TMEM67: variants seen among roughly 807,000 people sequenced by gnomAD.
TMEM67 encodes transmembrane protein 67.
In TMEM67, 124 loss-of-function variants were observed where a neutral mutation model predicts 136.6. That is an observed-to-expected ratio of 0.91 (90% confidence interval 0.78 to 1.05). TMEM67 has a LOEUF of 1.05. Among genes scored for constraint, TMEM67 ranks in the 50% least tolerant of loss-of-function variants. The pLI is 0.00. For synonymous variants in TMEM67, 364 were observed against 390.5 expected (o/e 0.93, Z 0.80); for missense variants, 1,107 against 1,178.4 (o/e 0.94, Z 0.89).
At position 93,758,387 on chromosome 8, in the gene TMEM67, C is replaced by G. The variant is rs34022540; in HGVS notation, c.313-96C>G. 0.1 allele frequency: 89,590 copies of G among 862,388 alleles called. 5,425 individuals carry two copies. The highest frequency in any genetic ancestry group is 0.12 in the Middle Eastern group (402 of 3,316). The allele number at this position is 862,388 out of a possible 1,614,324, so 53.4% of individuals were successfully genotyped here. A position where few individuals can be genotyped will look rare whatever the true frequency, so the allele number is the denominator to read the frequency against. On this transcript the variant is annotated intron_variant, in intron 2 of 27. Transcript: ENST00000453321. ...TATGTATGATTTATTTGAATATTCA[C>G]TGTAGTTACATACTCTTATGGCATT...
At chr8:93,815,584 C>T (rs1478599666) in intron 27 of TMEM67, 137 bp downstream of exon 27, 3 of 780,062 alleles carry the variant, frequency 3.8e-6, no homozygotes, top group Non-Finnish European at 4.1e-6. Flanking sequence ...TGACTAACCC[C>T]ACCAAAAGAA....
chr8:93,781,778 T>A, intron 10 of TMEM67, 34 bp downstream of exon 10: 1 of 1,319,708 alleles, frequency 7.6e-7, no homozygotes, highest in Non-Finnish European at 1.1e-6. Context: ...ATTAATAACA[T>A]GCATTATTTT....
intron 7 of TMEM67, among the ~76,000 whole-genome samples, chr8:93,775,204 G>A (rs1305136274): frequency 2.0e-5 from 3 of 152,042 alleles, no homozygotes; most frequent in Non-Finnish European, 4.4e-5. Context: ...TGATGGGGTT[G>A]TTTTTTTCTT....
intron 3 of TMEM67, chr8:93,762,918 G>T: frequency 2.3e-6 from 1 of 437,492 alleles, no homozygotes; most frequent in Middle Eastern, 3.3e-4. Flanking sequence ...AGATTTACCT[G>T]ATTCTTTTTG....
chr8:93,778,616 C>T (rs973779599), intron 7 of TMEM67, among the ~76,000 whole-genome samples: 13 of 152,158 alleles, frequency 8.5e-5, no homozygotes, highest in Non-Finnish European at 1.3e-4. Flanking sequence ...ACTTATGAAG[C>T]TTAGTTTGGC....
intron 11 of TMEM67, among the ~76,000 whole-genome samples, chr8:93,782,755 A>G (rs1464713816): frequency 2.0e-5 from 3 of 151,616 alleles, no homozygotes; most frequent in Non-Finnish European, 4.4e-5. Flanking sequence ...TTGTATTTTT[A>G]GTAAAGACAG....
the TMEM67 span, among the ~76,000 whole-genome samples, chr8:93,826,397 G>A: frequency 6.6e-6 from 1 of 152,024 alleles, no homozygotes; most frequent in African/African-American, 2.4e-5. Flanking sequence ...CCAAAGTGCT[G>A]GGATTAGTTA....
intron 7 of TMEM67, among the ~76,000 whole-genome samples, chr8:93,779,146 C>T (rs537388058): frequency 9.2e-5 from 14 of 152,320 alleles, no homozygotes; most frequent in East Asian, 1.9e-4. Flanking sequence ...TTGACCAAAT[C>T]GGCTACTGAA....
chr8:93,755,210 G>A lies in TMEM67; in HGVS notation c.223+73G>A, dbSNP rs74671511. 0.019 allele frequency: 25,382 copies of A among 1,363,188 alleles called. 300 individuals carry two copies. The highest frequency in any genetic ancestry group is 0.02 in the Non-Finnish European group (18,979 of 954,166). The allele number at this position is 1,363,188 out of a possible 1,614,324, so 84.4% of individuals were successfully genotyped here. A position where few individuals can be genotyped will look rare whatever the true frequency, so the allele number is the denominator to read the frequency against. ...GGTCGGCCCCTAGTCCCCGTAAATG[G>A]AGTTTCACCATGTTGATCAGGCTAG... On this transcript the variant is annotated intron_variant, in intron 1 of 27. Transcript: ENST00000453321.
the TMEM67 span, among the ~76,000 whole-genome samples, chr8:93,830,926 C>T: frequency 6.6e-6 from 1 of 152,230 alleles, no homozygotes; most frequent in African/African-American, 2.4e-5. Flanking sequence ...ATTTCATGAT[C>T]TCGTACTTTG....
At chr8:93,828,529 C>A in the TMEM67 span, among the ~76,000 whole-genome samples, 2 of 152,130 alleles carry the variant, frequency 1.3e-5, no homozygotes, top group African/African-American at 2.4e-5. Context: ...TGCTTGAGGT[C>A]AAAAGTTCAA....
chr8:93,777,133 T>C (rs1249526102), intron 7 of TMEM67, among the ~76,000 whole-genome samples: 3 of 152,222 alleles, frequency 2.0e-5, no homozygotes, highest in African/African-American at 7.2e-5. Context: ...TCTAGTTTAT[T>C]TGTATAGAGG....
chr8:93,784,039 A>T (rs1025172548), intron 11 of TMEM67, among the ~76,000 whole-genome samples: 3 of 152,222 alleles, frequency 2.0e-5, no homozygotes, highest in African/African-American at 7.2e-5. Context: ...CAAAACCATA[A>T]CAAAAAATAC....
At position 93,755,799 on chromosome 8, in the gene TMEM67, C is replaced by G. The variant is rs772437766; in HGVS notation, c.245C>G (p.Pro82Arg). The change falls in exon 2 of 28, where the codon CCA becomes CGA. Residue 82 changes from proline (P) to arginine (R), a missense_variant. By Grantham distance (103) the Pro-to-Arg change is moderately radical. Around this residue, in one of 3 missense-constraint regions of TMEM67, gnomAD observed 178 missense variants for 159.2 expected, o/e 1.12. Transcript: ENST00000453321. ...DARGTSCVCL[P>R]GFQMISNNGG... ...TTAGGAACTTCATGTGTATGTCTAC[C>G]AGGATTTCAGATGATCTCTAATAAT... 7.1e-7 allele frequency: 1 copy of G among 1,417,660 alleles called. No homozygotes were observed. The highest frequency in any genetic ancestry group is 9.7e-7 in the Non-Finnish European group (1 of 1,029,286). 87.8% of individuals were successfully genotyped at this position (1,417,660 alleles called of 1,614,324 possible).
chr8:93,819,318 A>G (rs2130808404), downstream of TMEM67: 1 of 394,226 alleles, frequency 2.5e-6, no homozygotes, highest in South Asian at 1.9e-5. Flanking sequence ...TGCCAGGAAG[A>G]GGCCCAGATA....
intron 15 of TMEM67, chr8:93,791,822 A>G (rs898750002): frequency 3.3e-5 from 5 of 152,528 alleles, no homozygotes; most frequent in Admixed American, 3.3e-4. Context: ...CTTTGAAATT[A>G]TGCAAACATC....
intron 6 of TMEM67, among the ~76,000 whole-genome samples, chr8:93,770,858 T>C (rs1813296736): frequency 6.6e-6 from 1 of 151,816 alleles, no homozygotes; most frequent in Non-Finnish European, 1.5e-5. Flanking sequence ...CTACTGAAAA[T>C]ACAAAAATTA....
intron 7 of TMEM67, among the ~76,000 whole-genome samples, chr8:93,776,592 T>G (rs183344470): frequency 6.6e-6 from 1 of 152,340 alleles, no homozygotes; most frequent in East Asian, 1.9e-4. Context: ...AGGTCTGTTT[T>G]GCATCTGTTG....
chr8:93,810,440 C>T (rs1288293290), intron 26 of TMEM67, among the ~76,000 whole-genome samples: 1 of 151,920 alleles, frequency 6.6e-6, no homozygotes, highest in Non-Finnish European at 1.5e-5. Flanking sequence ...CTTAGCCAGG[C>T]ATGGTGGCAG....
Sources: gnomAD v4.1 joint callset for allele counts (sites outside exome capture counted in the v4.1 genomes callset) on GRCh38, gnomAD v4.1.1 for gene constraint, gnomAD v4.1.1 regional missense constraint, MANE v1.5 for transcripts, NCBI Gene and HGNC (gene_info 2026-07-23, HGNC 2026-07-21) for gene names.